Variants in SGCD observed in about 807,000 individuals in gnomAD.
SGCD encodes delta-sarcoglycan.
Under a neutral mutation model 36.6 loss-of-function variants are expected in SGCD, and 18 were observed. The observed-to-expected ratio is 0.49, with a 90% CI of 0.34 to 0.73. The LOEUF (loss-of-function observed/expected upper bound fraction) is 0.73, where lower values mean the gene tolerates loss of function less well. Ranked by LOEUF, SGCD falls within the 30% of genes least tolerant of loss-of-function variation. The probability of loss-of-function intolerance (pLI) is 0.01; values close to 1 mark genes in which losing one functional copy is unlikely to be tolerated. For missense variants in SGCD, 387 were observed against 346.7 expected (o/e 1.12, Z -0.92); for synonymous variants, 133 against 130.6 (o/e 1.02, Z -0.12).
intron 3 of SGCD, among the ~76,000 whole-genome samples, chr5:156,203,500 G>T (rs952677656): frequency 3.3e-5 from 5 of 152,096 alleles, no homozygotes; most frequent in African/African-American, 1.2e-4. Context: ...AATTATAAAG[G>T]TATTTAATGA....
At chr5:155,889,532 G>A (rs1055027968) in intron 1 of SGCD, among the ~76,000 whole-genome samples, 1 of 152,150 alleles carries the variant, frequency 6.6e-6, no homozygotes, top group African/African-American at 2.4e-5. Flanking sequence ...TCAGCTTACC[G>A]ATTATTTATT....
intron 1 of SGCD, among the ~76,000 whole-genome samples, chr5:156,089,227 C>A (rs1221802701): frequency 6.6e-6 from 1 of 152,198 alleles, no homozygotes; most frequent in Non-Finnish European, 1.5e-5. Context: ...AGGCTCAATA[C>A]AAGCCCACTT....
chr5:156,527,282 G>GA lies in SGCD; in HGVS notation c.294+18588dup, dbSNP rs200084240. 2.4e-3 allele frequency among the ~76,000 whole-genome samples: 360 copies of GA among 151,892 alleles called. 3 individuals are homozygous for GA. The highest frequency in any genetic ancestry group is 7.5e-3 in the African/African-American group (312 of 41,436). Reference sequence around the variant, plus strand: ...CAAAAGATATAATGGGTTAAGATCAGAAAAAAAACATAAACTATAATTGGA... The same window carrying GA: ...CAAAAGATATAATGGGTTAAGATCAGAAAAAAAAACATAAACTATAATTGGA... On this transcript the variant is annotated intron_variant, in intron 4 of 8. Coordinates refer to ENST00000337851, the MANE Select transcript of SGCD (RefSeq NM_000337.6).
chr5:155,863,916 A>T, the SGCD span, among the ~76,000 whole-genome samples: 1 of 152,206 alleles, frequency 6.6e-6, no homozygotes, highest in Non-Finnish European at 1.5e-5. Flanking sequence ...CCCTACTGTC[A>T]TGGAAACTGC....
intron 7 of SGCD, among the ~76,000 whole-genome samples, chr5:156,719,028 G>A (rs1036203415): frequency 2.0e-5 from 3 of 152,004 alleles, no homozygotes; most frequent in Non-Finnish European, 2.9e-5. Flanking sequence ...CACTTTATTA[G>A]AGAAACCTTC....
chr5:156,613,731 C>T (rs1382365359), intron 6 of SGCD, among the ~76,000 whole-genome samples: 2 of 152,202 alleles, frequency 1.3e-5, no homozygotes, highest in Non-Finnish European at 2.9e-5. Flanking sequence ...CCTATGCGAA[C>T]CACTGACCCA....
At chr5:156,158,076 A>G (rs112416753) in intron 3 of SGCD, among the ~76,000 whole-genome samples, 5 of 150,920 alleles carry the variant, frequency 3.3e-5, no homozygotes, top group African/African-American at 1.2e-4. Context: ...TTTTTGCACC[A>G]TGATAAGGTT....
At chr5:155,821,666 G>A in the SGCD span, among the ~76,000 whole-genome samples, 2 of 152,180 alleles carry the variant, frequency 1.3e-5, no homozygotes, top group Non-Finnish European at 2.9e-5. Context: ...ATCCATAGGA[G>A]AGTGCTTTAA....
intron 3 of SGCD, among the ~76,000 whole-genome samples, chr5:156,490,932 G>A (rs79590111): frequency 6.6e-6 from 1 of 152,096 alleles, no homozygotes; most frequent in East Asian, 1.9e-4. Context: ...TTTTCACATA[G>A]AATGATCTTA....
intron 4 of SGCD, among the ~76,000 whole-genome samples, chr5:156,577,860 A>G (rs1487309635): frequency 6.6e-6 from 1 of 152,220 alleles, no homozygotes; most frequent in African/African-American, 2.4e-5. Context: ...TGTCATCTGC[A>G]AACAGGGACA....
intron 1 of SGCD, among the ~76,000 whole-genome samples, chr5:156,101,416 G>T (rs1393740633): frequency 6.6e-6 from 1 of 152,136 alleles, no homozygotes; most frequent in Non-Finnish European, 1.5e-5. Flanking sequence ...AGTCAACTAG[G>T]AAACTAAGAA....
the SGCD span, among the ~76,000 whole-genome samples, chr5:155,864,688 G>A: frequency 6.6e-6 from 1 of 152,172 alleles, no homozygotes; most frequent in Non-Finnish European, 1.5e-5. Flanking sequence ...CTAAATGGTG[G>A]TATTCCAGAA....
intron 1 of SGCD, among the ~76,000 whole-genome samples, chr5:156,075,076 G>C (rs934303560): frequency 5.9e-5 from 9 of 152,156 alleles, no homozygotes; most frequent in African/African-American, 2.2e-4. Context: ...AAATACAAAT[G>C]TACGAAAAGG....
At position 156,035,942 on chromosome 5, in the gene SGCD, T is replaced by C. The variant is rs551026808; in HGVS notation, c.-281-81936T>C. ...CTGTTATAACTCTAAGAAATATTTT[T>C]TAATAGGGAAGCTGTTAGTTATATC... On this transcript the variant is annotated intron_variant, in intron 1 of 9. Transcript: ENST00000517913. Among the ~76,000 whole-genome samples, 65 of 152,290 alleles carry C rather than the reference T, an allele frequency of 4.3e-4. No individual in the cohort carries two copies. The South Asian group carries it at 0.013, about 30-fold the overall frequency.
intron 3 of SGCD, among the ~76,000 whole-genome samples, chr5:156,476,182 C>T (rs1755169343): frequency 6.6e-6 from 1 of 152,172 alleles, no homozygotes; most frequent in Admixed American, 6.5e-5. Context: ...AGGAGAATAG[C>T]ATGGAGATTT....
At chr5:156,702,917 T>C (rs1754582308) in intron 7 of SGCD, among the ~76,000 whole-genome samples, 1 of 152,222 alleles carries the variant, frequency 6.6e-6, no homozygotes, top group South Asian at 2.1e-4. Context: ...TGAAAATTAC[T>C]ATCTCCCTCC....
intron 1 of SGCD, among the ~76,000 whole-genome samples, chr5:155,880,294 G>A (rs1755856391): frequency 1.3e-5 from 2 of 152,052 alleles, no homozygotes. Context: ...ATAAATGCTA[G>A]GTATCTCAAG....
chr5:156,007,104 G>A (rs535898304), intron 1 of SGCD, among the ~76,000 whole-genome samples: 1 of 152,204 alleles, frequency 6.6e-6, no homozygotes, highest in Non-Finnish European at 1.5e-5. Flanking sequence ...TACTTCCCTG[G>A]TCTATTCCGC....
At chr5:156,021,557 G>A (rs1759098109) in intron 1 of SGCD, among the ~76,000 whole-genome samples, 1 of 152,190 alleles carries the variant, frequency 6.6e-6, no homozygotes, top group African/African-American at 2.4e-5. Flanking sequence ...AAACATGCAG[G>A]TGTATAGGGT....
Sources: allele counts gnomAD v4.1 joint callset (sites outside exome capture counted in the v4.1 genomes callset), GRCh38; gene constraint gnomAD v4.1.1; transcripts MANE v1.5; gene names NCBI Gene and HGNC (gene_info 2026-07-23, HGNC 2026-07-21).